Variants in NPAS3 observed in about 807,000 individuals in gnomAD.
NPAS3 encodes neuronal PAS domain protein 3, also known as neuronal PAS domain-containing protein 3.
Under a neutral mutation model 73.1 loss-of-function variants are expected in NPAS3, and 14 were observed. The ratio of observed to expected loss-of-function variants is 0.19; its 90% confidence interval spans 0.13 to 0.30. NPAS3 has a LOEUF of 0.30. Ranked by LOEUF, NPAS3 falls within the 10% of genes least tolerant of loss-of-function variation. NPAS3 has a pLI of 1.00. For synonymous variants in NPAS3, 620 were observed against 541.5 expected, an observed-to-expected ratio of 1.14 and a Z score of -2.01; for missense variants, 1,096 against 1,250.0, an observed-to-expected ratio of 0.88 and a Z score of 1.86.
chr14:32,996,222 A>T (rs1424284745), intron 1 of NPAS3, among the ~76,000 whole-genome samples: 2 of 152,208 alleles, frequency 1.3e-5, no homozygotes, highest in Non-Finnish European at 2.9e-5. Flanking sequence ...AGAAATTTCT[A>T]AGCAGAAAGC....
intron 4 of NPAS3, among the ~76,000 whole-genome samples, chr14:33,556,725 G>A (rs965451316): frequency 6.6e-6 from 1 of 152,190 alleles, no homozygotes; most frequent in Admixed American, 6.5e-5. Flanking sequence ...ATCTGATCTT[G>A]TCTGGCCACT....
intron 1 of NPAS3, among the ~76,000 whole-genome samples, chr14:32,974,170 A>G (rs1346029622): frequency 6.6e-6 from 1 of 152,200 alleles, no homozygotes; most frequent in Non-Finnish European, 1.5e-5. Flanking sequence ...ACTGTCATCT[A>G]AGTGACAAAA....
chr14:33,765,134 A>G (rs2140849962), intron 7 of NPAS3, among the ~76,000 whole-genome samples: 1 of 152,258 alleles, frequency 6.6e-6, no homozygotes, highest in African/African-American at 2.4e-5. Flanking sequence ...TTATAGTTAT[A>G]TTTTTTATGC....
intron 2 of NPAS3, among the ~76,000 whole-genome samples, chr14:33,196,296 T>C (rs1197237315): frequency 6.6e-6 from 1 of 152,222 alleles, no homozygotes; most frequent in Non-Finnish European, 1.5e-5. Context: ...CTTTTATACA[T>C]ACATTAGTTG....
At chr14:33,168,568 C>T (rs1273873542) in intron 2 of NPAS3, among the ~76,000 whole-genome samples, 2 of 152,170 alleles carry the variant, frequency 1.3e-5, no homozygotes, top group East Asian at 1.9e-4. Flanking sequence ...TGTGTGATAG[C>T]TCTCAAAGCT....
intron 3 of NPAS3, among the ~76,000 whole-genome samples, chr14:33,270,368 A>G (rs1392645218): frequency 2.0e-5 from 3 of 152,180 alleles, no homozygotes; most frequent in Non-Finnish European, 1.5e-5. Flanking sequence ...ACTTCCACAA[A>G]ATACTCTGAG....
chr14:33,686,108 G>C (rs935520725), intron 6 of NPAS3, among the ~76,000 whole-genome samples: 1 of 152,178 alleles, frequency 6.6e-6, no homozygotes, highest in Non-Finnish European at 1.5e-5. Flanking sequence ...CTCAATGATT[G>C]CAGGCTGGCC....
chr14:33,259,449 A>C (rs1594532960), intron 3 of NPAS3, among the ~76,000 whole-genome samples: 1 of 152,330 alleles, frequency 6.6e-6, no homozygotes, highest in African/African-American at 2.4e-5. Context: ...GATTTCACTT[A>C]AAATATTTTC....
At chr14:33,502,359 G>T (rs550398395) in intron 4 of NPAS3, among the ~76,000 whole-genome samples, 16 of 151,640 alleles carry the variant, frequency 1.1e-4, no homozygotes, top group African/African-American at 3.9e-4. Context: ...TAGCGCCCTG[G>T]CATTTACATC....
At chr14:33,759,385 G>GTCTTCTTTTCTCCTGGTCATACA (rs1460364948) in intron 7 of NPAS3, among the ~76,000 whole-genome samples, 1 of 152,200 alleles carries the variant, frequency 6.6e-6, no homozygotes, top group African/African-American at 2.4e-5. Flanking sequence ...TCAGTATATT[G>GTCTTCTTTTCTCCTGGTCATACA]TCTTCTTTTC....
chr14:33,346,282 A>C (rs891239671), intron 3 of NPAS3, among the ~76,000 whole-genome samples: 2 of 151,666 alleles, frequency 1.3e-5, no homozygotes, highest in East Asian at 3.9e-4. Context: ...TAATCTCAGC[A>C]CTTTGGGAGG....
At chr14:33,351,568 T>C (rs916380034) in intron 3 of NPAS3, among the ~76,000 whole-genome samples, 2 of 152,228 alleles carry the variant, frequency 1.3e-5, no homozygotes. Flanking sequence ...TAGAGACACA[T>C]GCACACATGC....
intron 1 of NPAS3, among the ~76,000 whole-genome samples, chr14:33,023,710 A>G (rs941655704): frequency 6.6e-6 from 1 of 152,178 alleles, no homozygotes; most frequent in African/African-American, 2.4e-5. Flanking sequence ...TCTTGGTATA[A>G]AATAATGATA....
At chr14:33,469,846 T>C (rs1304168488) in intron 4 of NPAS3, among the ~76,000 whole-genome samples, 2 of 152,172 alleles carry the variant, frequency 1.3e-5, no homozygotes, top group Admixed American at 1.3e-4. Context: ...AAAAATTACC[T>C]TTAAACTTAT....
intron 3 of NPAS3, among the ~76,000 whole-genome samples, chr14:33,229,395 A>G (rs956652639): frequency 1.3e-5 from 2 of 152,146 alleles, no homozygotes; most frequent in South Asian, 4.1e-4. Context: ...TAGAAAGATC[A>G]AAAGAGTAGC....
At chr14:33,675,108 CA>C (rs2059722820) in intron 5 of NPAS3, among the ~76,000 whole-genome samples, 1 of 152,030 alleles carries the variant, frequency 6.6e-6, no homozygotes, top group African/African-American at 2.4e-5. Context: ...TGGCAGCTTC[CA>C]TGGTACGTCA....
intron 6 of NPAS3, among the ~76,000 whole-genome samples, chr14:33,734,030 A>G (rs1357115602): frequency 1.3e-5 from 2 of 152,214 alleles, no homozygotes; most frequent in Admixed American, 6.5e-5. Context: ...AATGCATTTC[A>G]TACTTCAAAT....
intron 4 of NPAS3, among the ~76,000 whole-genome samples, chr14:33,397,576 T>C (rs746850090): frequency 1.9e-4 from 29 of 152,150 alleles, no homozygotes; most frequent in Non-Finnish European, 4.3e-4. Context: ...AAGAATTTCT[T>C]ATTGTTGCTA....
At chr14:33,335,209 A>G (rs1233232186) in intron 3 of NPAS3, among the ~76,000 whole-genome samples, 2 of 152,170 alleles carry the variant, frequency 1.3e-5, no homozygotes, top group Non-Finnish European at 2.9e-5. Context: ...TCCTCTGGGT[A>G]GATACCTAGA....
Sources: gnomAD v4.1 joint callset for allele counts (sites outside exome capture counted in the v4.1 genomes callset) on GRCh38, gnomAD v4.1.1 for gene constraint, MANE v1.5 for transcripts, NCBI Gene and HGNC (gene_info 2026-07-23, HGNC 2026-07-21) for gene names.